Variants in PLEK2 observed in about 807,000 individuals in gnomAD.
PLEK2 encodes pleckstrin 2.
A neutral mutation model predicts 43.8 loss-of-function variants in PLEK2; 29 were observed. The observed-to-expected ratio is 0.66, with a 90% CI of 0.49 to 0.90. PLEK2 has a LOEUF of 0.90. Among genes scored for constraint, PLEK2 ranks in the 40% least tolerant of loss-of-function variants. The probability of loss-of-function intolerance (pLI) is 0.00; values close to 1 mark genes in which losing one functional copy is unlikely to be tolerated. For synonymous variants in PLEK2, 162 were observed against 173.2 expected, an observed-to-expected ratio of 0.94 and a Z score of 0.51; for missense variants, 398 against 448.1, an observed-to-expected ratio of 0.89 and a Z score of 1.01.
At chr14:67,389,704 CA>C (rs1006540087) in intron 7 of PLEK2, among the ~76,000 whole-genome samples, 30 of 151,506 alleles carry the variant, frequency 2.0e-4, no homozygotes, top group African/African-American at 6.5e-4. Context: ...GCAGACTCAT[CA>C]GGGGCACAAA....
At position 67,407,348 on chromosome 14, in the gene PLEK2, C is replaced by A. The variant is rs2086085667; in HGVS notation, c.42+4670G>T. Among the ~76,000 whole-genome samples the A allele has an allele frequency of 2.0e-5, 3 of 152,098 alleles. No homozygotes were observed. The South Asian group carries it at 6.2e-4, about 32-fold the overall frequency. On this transcript the variant is annotated intron_variant, in intron 1 of 8. Transcript: ENST00000216446. ...ATGTTGTCTAGGCTGGTCTCGAACT[C>A]CTGACCTCGTGATCTGCCCACCTCG...
In PLEK2 at chr14:67,398,094, T is replaced by A. The variant is rs1428773994; in HGVS notation, c.43-268A>T. ...AGAAGAGAAAAATCACTTCCTGTAA[T>A]CCTACTGCTAGGAGACAGCCATTGC... On this transcript the variant is annotated intron_variant, in intron 1 of 8. Coordinates refer to ENST00000216446, the MANE Select transcript of PLEK2 (RefSeq NM_016445.3). The A allele has an allele frequency of 1.2e-5, 4 of 320,918 alleles. No individual in the cohort carries two copies. In the East Asian group the frequency reaches 1.5e-4, roughly 12 times the overall value. The allele number at this position is 320,918 out of a possible 1,614,324, so 19.9% of individuals were successfully genotyped here.
At chr14:67,393,966 A>T (rs1216544636) in intron 3 of PLEK2, among the ~76,000 whole-genome samples, 1 of 152,162 alleles carries the variant, frequency 6.6e-6, no homozygotes, top group Admixed American at 6.5e-5. Flanking sequence ...GCCAGCAGGG[A>T]CATCACTTCT....
intron 1 of PLEK2, among the ~76,000 whole-genome samples, chr14:67,400,381 A>C (rs965775121): frequency 1.3e-5 from 2 of 152,202 alleles, no homozygotes; most frequent in Non-Finnish European, 2.9e-5. Flanking sequence ...TAGTATGGGC[A>C]TTGAGAGTTT....
chr14:67,392,474 G>T, intron 5 of PLEK2, 47 bp from the exon 6 acceptor site: 1 of 1,441,806 alleles, frequency 6.9e-7, no homozygotes, highest in Non-Finnish European at 9.8e-7. Context: ...AAAGACCCAG[G>T]CCCAGGCTAT....
intron 2 of PLEK2, among the ~76,000 whole-genome samples, chr14:67,396,315 T>G (rs190343776): frequency 8.2e-4 from 125 of 151,588 alleles, no homozygotes; most frequent in Non-Finnish European, 1.3e-3. Context: ...GCCTGGCTAA[T>G]TTTTGTATTT....
chr14:67,390,834 C>A, intron 6 of PLEK2, 88 bp from the exon 7 acceptor site: 1 of 895,858 alleles, frequency 1.1e-6, no homozygotes, highest in Non-Finnish European at 1.9e-6. Flanking sequence ...AAACCCCCAA[C>A]AAGCCAGCCC....
Position 67,397,736 on chromosome 14 carries a change from T to C in PLEK2, c.133A>G (p.Thr45Ala). The C allele has an allele frequency of 6.2e-7, 1 of 1,612,880 alleles. No homozygotes were observed. Residue 45 changes from threonine to alanine, a missense_variant, in exon 2 of 9, where the codon ACC becomes GCC. Coordinates refer to ENST00000216446, the MANE Select transcript of PLEK2 (RefSeq NM_016445.3). Reference sequence around the variant, plus strand: ...AGGAGGATCCGGCCCTTGGGAGGGGTCACTCTCCGACCCCCCTCAAGCTTG... The same window carrying C: ...AGGAGGATCCGGCCCTTGGGAGGGGCCACTCTCCGACCCCCCTCAAGCTTG... ...YYKLEGGRRVTPPKGRILLDG... is the reference protein window; with the variant it reads ...YYKLEGGRRVAPPKGRILLDG...
intron 5 of PLEK2, 93 bp from the exon 6 acceptor site, chr14:67,392,520 C>G: frequency 4.0e-6 from 5 of 1,239,496 alleles, no homozygotes; most frequent in Non-Finnish European, 5.9e-6. Context: ...TTCCTCAGGA[C>G]AGGAACCTCA....
chr14:67,387,198 T>A lies in PLEK2; in HGVS notation c.*131A>T, dbSNP rs1309373384. On this transcript the variant is annotated 3_prime_UTR_variant, in exon 9 of 9. Transcript: ENST00000216446. The stretch of plus-strand genomic sequence containing the variant: ...TGCTGTTTGTAATCTGAGGAACTCT[T>A]GGCAGCATTCACTCTCCAAAGCAGT... The A allele has an allele frequency of 2.5e-6, 2 of 799,930 alleles. No individual in the cohort carries two copies. 49.6% of individuals were successfully genotyped at this position (799,930 alleles called of 1,614,324 possible). A position where few individuals can be genotyped will look rare whatever the true frequency, so the allele number is the denominator to read the frequency against.
At chr14:67,389,395 C>G (rs112016762) in intron 7 of PLEK2, among the ~76,000 whole-genome samples, 14,912 of 151,978 alleles carry the variant, frequency 0.098, 1,322 homozygotes, top group African/African-American at 0.24. Flanking sequence ...TCAGCCTAAA[C>G]AGGAGGAAGA....
intron 1 of PLEK2, among the ~76,000 whole-genome samples, chr14:67,408,922 C>T (rs1304711072): frequency 6.6e-6 from 1 of 151,834 alleles, no homozygotes; most frequent in African/African-American, 2.4e-5. Flanking sequence ...TCAGTTTTTT[C>T]GCCACATAAA....
rs1471347459 is a variant in PLEK2 at position 67,395,320 on chromosome 14, G to A, written c.389+82C>T. The stretch of plus-strand genomic sequence containing the variant: ...AGCCAGACTGTGCAGCAAGCACAGA[G>A]CCCCCCCAAGGGGCAGGGTCCCCTG... On this transcript the variant is annotated intron_variant, in intron 3 of 8. Transcript: ENST00000216446. 4 of 1,230,532 alleles carry A rather than the reference G, an allele frequency of 3.3e-6. No individual in the cohort carries two copies. In the Admixed American group the frequency reaches 5.7e-5, roughly 17 times the overall value. The allele number at this position is 1,230,532 out of a possible 1,614,324, so 76.2% of individuals were successfully genotyped here. A position where few individuals can be genotyped will look rare whatever the true frequency, so the allele number is the denominator to read the frequency against.
intron 1 of PLEK2, among the ~76,000 whole-genome samples, chr14:67,400,740 C>A (rs1297122798): frequency 6.6e-6 from 1 of 151,990 alleles, no homozygotes; most frequent in Non-Finnish European, 1.5e-5. Flanking sequence ...GTAATCCCAG[C>A]ACTTCGGGAG....
chr14:67,405,987 G>C (rs1394796949), intron 1 of PLEK2, among the ~76,000 whole-genome samples: 2 of 152,200 alleles, frequency 1.3e-5, no homozygotes, highest in Non-Finnish European at 2.9e-5. Context: ...GCCAGGCACG[G>C]TGGCTCACAC....
chr14:67,394,350 C>T (rs972907475), intron 3 of PLEK2, among the ~76,000 whole-genome samples: 22 of 151,734 alleles, frequency 1.4e-4, no homozygotes, highest in African/African-American at 5.3e-4. Context: ...GAGCCATGAT[C>T]GAGCCACTGC....
chr14:67,392,396 T>G lies in PLEK2; in HGVS notation c.701A>C (p.Lys234Thr). 6.2e-7 allele frequency: 1 copy of G among 1,613,870 alleles called. No individual in the cohort carries two copies. Among genetic ancestry groups the G allele is most frequent in the Non-Finnish European group, 8.5e-7 (1 of 1,179,780 alleles). Residue 234 changes from lysine (K) to threonine (T), a missense_variant, in exon 6 of 9, where the codon AAG becomes ACG. Lys to Thr is a moderately conservative substitution (Grantham distance 78). Transcript: ENST00000216446. ...CACAGTGCTCAGGCTAATTTCTTCC[T>G]TGGGGCTTATCTTCTTTTTGTAGCT... The part of the protein sequence containing the change: ...AESYKKKISP[K>T]EEISLSTVEL...
At chr14:67,399,332 A>G (rs1219857683) in intron 1 of PLEK2, among the ~76,000 whole-genome samples, 3 of 150,744 alleles carry the variant, frequency 2.0e-5, no homozygotes, top group African/African-American at 7.4e-5. Flanking sequence ...GTCAGGTGGC[A>G]GGAATAAAGA....
At chr14:67,398,044 T>C (rs8005876) in intron 1 of PLEK2, 54,411 of 387,724 alleles carry the variant, frequency 0.14, 7,785 homozygotes, top group East Asian at 0.47. Context: ...TGGTTTTAAA[T>C]CTTGAAAGAA....
Sources: gnomAD v4.1 joint callset for allele counts (sites outside exome capture counted in the v4.1 genomes callset) on GRCh38, gnomAD v4.1.1 for gene constraint, MANE v1.5 for transcripts, NCBI Gene and HGNC (gene_info 2026-07-23, HGNC 2026-07-21) for gene names.